EMCN: variants seen among roughly 807,000 people sequenced by gnomAD.
The protein encoded by EMCN is endomucin, also known as MUC-14.
In EMCN, 37 loss-of-function variants were observed where a neutral mutation model predicts 38.4. That is an observed-to-expected ratio of 0.96 (90% CI 0.74 to 1.27). EMCN has a LOEUF of 1.27. EMCN is among the 50% of genes most tolerant of loss of function. The pLI, the probability that EMCN is intolerant of heterozygous loss-of-function variation, is 0.00. For synonymous variants in EMCN, 95 were observed against 100.8 expected, an observed-to-expected ratio of 0.94 and a Z score of 0.35; for missense variants, 318 against 302.8, an observed-to-expected ratio of 1.05 and a Z score of -0.37.
intron 1 of EMCN, among the ~76,000 whole-genome samples, chr4:100,485,010 C>T (rs1412763790): frequency 6.6e-6 from 1 of 151,986 alleles, no homozygotes; most frequent in African/African-American, 2.4e-5. Flanking sequence ...CAGTGTGCTC[C>T]ATAAACAAAA....
At chr4:100,493,225 C>G (rs1440483936) in intron 1 of EMCN, among the ~76,000 whole-genome samples, 1 of 152,192 alleles carries the variant, frequency 6.6e-6, no homozygotes, top group African/African-American at 2.4e-5. Flanking sequence ...CTCCCTAACT[C>G]ATAATCTTAT....
intron 5 of EMCN, among the ~76,000 whole-genome samples, chr4:100,435,549 A>G (rs186597646): frequency 6.6e-6 from 1 of 152,324 alleles, no homozygotes; most frequent in Non-Finnish European, 1.5e-5. Context: ...TATGGAACCA[A>G]AAAGAGCCTG....
At chr4:100,479,462 C>T (rs934070370) in intron 2 of EMCN, among the ~76,000 whole-genome samples, 4 of 152,006 alleles carry the variant, frequency 2.6e-5, no homozygotes, top group Admixed American at 6.6e-5. Context: ...GTCACTCAGT[C>T]CAGCAACAAT....
In EMCN at chr4:100,498,970, G is replaced by A. The variant is rs868439774; in HGVS notation, c.64+18881C>T. The stretch of plus-strand genomic sequence containing the variant: ...AGGTATGTTCTTAGAGCTATTAAAT[G>A]TATTCTTTAAAAAATATCCTCAAGT... On this transcript the variant is annotated intron_variant, in intron 1 of 11. Transcript: ENST00000296420. 3.3e-5 allele frequency among the ~76,000 whole-genome samples: 5 copies of A among 152,024 alleles called. No homozygotes were observed. The South Asian group carries it at 1.0e-3, about 32-fold the overall frequency.
At chr4:100,400,932 A>G (rs1395086844) in intron 11 of EMCN, among the ~76,000 whole-genome samples, 1 of 152,122 alleles carries the variant, frequency 6.6e-6, no homozygotes, top group Non-Finnish European at 1.5e-5. Flanking sequence ...GTTGGCTTCA[A>G]TAATAATGGT....
chr4:100,476,916 G>C (rs1427155336), intron 2 of EMCN, among the ~76,000 whole-genome samples: 5 of 152,104 alleles, frequency 3.3e-5, no homozygotes, highest in African/African-American at 1.2e-4. Context: ...GAGAAAAATG[G>C]GGTACCCAAA....
intron 1 of EMCN, among the ~76,000 whole-genome samples, chr4:100,492,329 A>G (rs1339238318): frequency 6.6e-6 from 1 of 152,180 alleles, no homozygotes; most frequent in African/African-American, 2.4e-5. Flanking sequence ...GAGCTTAAAG[A>G]TAGAACATTT....
chr4:100,490,487 C>G (rs1729050579), intron 1 of EMCN, among the ~76,000 whole-genome samples: 1 of 152,178 alleles, frequency 6.6e-6, no homozygotes. Flanking sequence ...CACTCACTGA[C>G]TCACCCAGGG....
chr4:100,484,022 T>C (rs1466471799), intron 1 of EMCN, among the ~76,000 whole-genome samples: 1 of 152,192 alleles, frequency 6.6e-6, no homozygotes, highest in Non-Finnish European at 1.5e-5. Context: ...TATTTTGTCC[T>C]GATTCTACCC....
chr4:100,495,696 A>C (rs1729190422), intron 1 of EMCN, among the ~76,000 whole-genome samples: 2 of 152,090 alleles, frequency 1.3e-5, no homozygotes, highest in South Asian at 4.1e-4. Flanking sequence ...TTGTATAATT[A>C]AAATTTTGTT....
At chr4:100,493,435 G>A (rs1729136238) in intron 1 of EMCN, among the ~76,000 whole-genome samples, 1 of 152,172 alleles carries the variant, frequency 6.6e-6, no homozygotes. Flanking sequence ...TACCTGTTAT[G>A]GTTCTGTGGG....
intron 1 of EMCN, chr4:100,483,530 A>G (rs1290620984): frequency 1.3e-5 from 2 of 152,194 alleles, no homozygotes; most frequent in Admixed American, 1.3e-4. Context: ...CAAGTGCCAC[A>G]TATATACATG....
intron 1 of EMCN, among the ~76,000 whole-genome samples, chr4:100,508,273 G>A (rs559646728): frequency 1.3e-5 from 2 of 152,282 alleles, no homozygotes; most frequent in South Asian, 2.1e-4. Context: ...TTGGCTCAAA[G>A]GTTCAGTGTA....
intron 5 of EMCN, among the ~76,000 whole-genome samples, chr4:100,426,961 A>G (rs915867856): frequency 2.0e-5 from 3 of 152,070 alleles, no homozygotes; most frequent in Non-Finnish European, 4.4e-5. Flanking sequence ...AATTACTACA[A>G]TGCTATCCTT....
At chr4:100,502,485 G>C (rs1311271788) in intron 1 of EMCN, among the ~76,000 whole-genome samples, 1 of 151,896 alleles carries the variant, frequency 6.6e-6, no homozygotes, top group African/African-American at 2.4e-5. Context: ...CTCATTAACT[G>C]CCTAAACAAT....
At chr4:100,478,681 C>T (rs1728725591) in intron 2 of EMCN, among the ~76,000 whole-genome samples, 1 of 152,108 alleles carries the variant, frequency 6.6e-6, no homozygotes, top group Non-Finnish European at 1.5e-5. Flanking sequence ...TCGGATATAG[C>T]TGTCTATTTT....
chr4:100,486,343 A>G (rs536488808), intron 1 of EMCN, among the ~76,000 whole-genome samples: 45 of 152,372 alleles, frequency 3.0e-4, no homozygotes, highest in African/African-American at 1.1e-3. Flanking sequence ...AGGGACATTG[A>G]CAATGTTACA....
At chr4:100,476,162 TCTCCCTCCCTCC>T (rs142508833) in intron 2 of EMCN, among the ~76,000 whole-genome samples, 1 of 147,624 alleles carries the variant, frequency 6.8e-6, no homozygotes. Flanking sequence ...TAATGGTCTT[TCTCCCTCCCTCC>T]CTCCCTCCCT....
intron 9 of EMCN, among the ~76,000 whole-genome samples, chr4:100,416,276 G>C (rs1726731911): frequency 6.6e-6 from 1 of 152,150 alleles, no homozygotes; most frequent in Admixed American, 6.5e-5. Flanking sequence ...AGTTTGAGTT[G>C]TGTGAAACAC....
Sources: gnomAD v4.1 joint callset for allele counts (sites outside exome capture counted in the v4.1 genomes callset) on GRCh38, gnomAD v4.1.1 for gene constraint, MANE v1.5 for transcripts, NCBI Gene and HGNC (gene_info 2026-07-23, HGNC 2026-07-21) for gene names.